The following RFX3 variants were observed in gnomAD, a reference collection of about 807,000 sequenced individuals.
The protein encoded by RFX3 is regulatory factor X3.
In RFX3, 14 loss-of-function variants were observed where a neutral mutation model predicts 98.6. That is an observed-to-expected ratio of 0.14 (90% CI 0.09 to 0.22). RFX3 has a LOEUF of 0.22. RFX3 is among the 10% of genes least tolerant of loss of function. The pLI, the probability that RFX3 is intolerant of heterozygous loss-of-function variation, is 1.00. For missense variants in RFX3, 639 were observed against 926.9 expected (o/e 0.69, Z 4.03); for synonymous variants, 383 against 328.4 (o/e 1.17, Z -1.80).
chr9:3,334,928 T>G (rs1832991300), intron 3 of RFX3, among the ~76,000 whole-genome samples: 1 of 151,958 alleles, frequency 6.6e-6, no homozygotes, highest in African/African-American at 2.4e-5. Flanking sequence ...GAGACCAGCC[T>G]GGCAAACACG....
intron 1 of RFX3, among the ~76,000 whole-genome samples, chr9:3,464,815 T>C (rs1848048742): frequency 6.6e-6 from 1 of 152,194 alleles, no homozygotes; most frequent in South Asian, 2.1e-4. Flanking sequence ...GAAATATATG[T>C]TGAAGACTTT....
intron 4 of RFX3, among the ~76,000 whole-genome samples, chr9:3,327,622 CAAAAA>C (rs35437578): frequency 6.8e-6 from 1 of 147,918 alleles, no homozygotes; most frequent in African/African-American, 2.5e-5. Context: ...AAACGCAAAA[CAAAAA>C]AAAATCACCT....
intron 4 of RFX3, among the ~76,000 whole-genome samples, chr9:3,304,259 T>C (rs1799884358): frequency 6.6e-6 from 1 of 152,006 alleles, no homozygotes. Flanking sequence ...AAAAATTTAT[T>C]GAAGGGAATT....
chr9:3,452,752 T>C (rs1846775672), intron 1 of RFX3, among the ~76,000 whole-genome samples: 1 of 152,220 alleles, frequency 6.6e-6, no homozygotes, highest in African/African-American at 2.4e-5. Flanking sequence ...GCATTAGCTA[T>C]TTAAAAACTT....
At chr9:3,486,479 CA>C (rs1850286311) in intron 1 of RFX3, among the ~76,000 whole-genome samples, 1 of 152,102 alleles carries the variant, frequency 6.6e-6, no homozygotes, top group Non-Finnish European at 1.5e-5. Flanking sequence ...TCCATGGCTC[CA>C]ATCTTTTCTC....
rs530009432 is a variant in RFX3, at chr9:3,516,622, G to C, written c.-9+9125C>G. ...GCTCTTCTTAAAAACCAGTTGAATA[G>C]CTTCAATAATTGGGGAAGAAATGTC... On this transcript the variant is annotated intron_variant, in intron 1 of 16. Coordinates refer to ENST00000617270, the MANE Select transcript of RFX3 (RefSeq NM_001282116.2). Among the ~76,000 whole-genome samples the C allele has an allele frequency of 7.2e-5, 11 of 152,234 alleles. No homozygotes were observed. In the East Asian group the frequency reaches 2.1e-3, roughly 29 times the overall value.
At chr9:3,293,534 A>C (rs1035387740) in intron 5 of RFX3, among the ~76,000 whole-genome samples, 2 of 152,174 alleles carry the variant, frequency 1.3e-5, no homozygotes, top group Non-Finnish European at 2.9e-5. Flanking sequence ...TATTGATTCC[A>C]ATTTTGAAAA....
chr9:3,489,191 C>T (rs1042892785), intron 1 of RFX3, among the ~76,000 whole-genome samples: 2 of 152,052 alleles, frequency 1.3e-5, no homozygotes, highest in African/African-American at 4.8e-5. Context: ...AATGTTTGAT[C>T]ATCCTCAATG....
intron 1 of RFX3, among the ~76,000 whole-genome samples, chr9:3,428,046 T>C (rs1362766681): frequency 6.6e-6 from 1 of 152,154 alleles, no homozygotes; most frequent in Admixed American, 6.6e-5. Flanking sequence ...GGGCTCTTTT[T>C]ATGTATCTGC....
chr9:3,524,884 AAGAG>A (rs1819088462), intron 1 of RFX3, among the ~76,000 whole-genome samples: 1 of 147,550 alleles, frequency 6.8e-6, no homozygotes, highest in Non-Finnish European at 1.5e-5. Context: ...CACACCAAAG[AAGAG>A]AGAGGAGACA....
At chr9:3,407,907 G>C (rs1199197756) in intron 1 of RFX3, among the ~76,000 whole-genome samples, 1 of 152,128 alleles carries the variant, frequency 6.6e-6, no homozygotes, top group Admixed American at 6.5e-5. Context: ...AGATAGGCTT[G>C]TTGGAATTTG....
At chr9:3,470,967 T>C (rs4008946) in intron 1 of RFX3, among the ~76,000 whole-genome samples, 2,438 of 152,334 alleles carry the variant, frequency 0.016, 73 homozygotes, top group African/African-American at 0.056. Flanking sequence ...CTGAAATCTG[T>C]TCAAGATAAT....
At chr9:3,298,435 T>C (rs900857775) in intron 5 of RFX3, among the ~76,000 whole-genome samples, 4 of 151,878 alleles carry the variant, frequency 2.6e-5, no homozygotes, top group African/African-American at 9.7e-5. Flanking sequence ...TCCTAAATAA[T>C]GAAGGTAACA....
At chr9:3,258,097 G>A (rs1822376131) in intron 13 of RFX3, among the ~76,000 whole-genome samples, 1 of 152,088 alleles carries the variant, frequency 6.6e-6, no homozygotes, top group African/African-American at 2.4e-5. Context: ...AGACATAGGT[G>A]TTAGGTCCTG....
chr9:3,393,620 C>G (rs146544508), intron 2 of RFX3, among the ~76,000 whole-genome samples: 1,604 of 147,622 alleles, frequency 0.011, 31 homozygotes, highest in Non-Finnish European at 0.017. Context: ...ATGACAAAAG[C>G]TATCCCTTTC....
chr9:3,422,644 G>T (rs1325242693), intron 1 of RFX3, among the ~76,000 whole-genome samples: 1 of 152,062 alleles, frequency 6.6e-6, no homozygotes, highest in African/African-American at 2.4e-5. Context: ...AATAAGTCAG[G>T]CTTATTATTT....
At chr9:3,495,450 CTG>C (rs1222623236) in intron 1 of RFX3, among the ~76,000 whole-genome samples, 1 of 151,974 alleles carries the variant, frequency 6.6e-6, no homozygotes, top group Non-Finnish European at 1.5e-5. Context: ...TATTTTAACT[CTG>C]AAATTTAACA....
At chr9:3,378,746 G>A (rs1838840502) in intron 2 of RFX3, among the ~76,000 whole-genome samples, 1 of 151,626 alleles carries the variant, frequency 6.6e-6, no homozygotes, top group Non-Finnish European at 1.5e-5. Flanking sequence ...AGTAGAGATG[G>A]GGTTTCATCA....
intron 4 of RFX3, among the ~76,000 whole-genome samples, chr9:3,316,420 T>C (rs909284351): frequency 6.6e-6 from 1 of 152,126 alleles, no homozygotes; most frequent in Non-Finnish European, 1.5e-5. Flanking sequence ...ACGAATATCA[T>C]ACTGAATGGG....
Sources: allele counts gnomAD v4.1 joint callset (sites outside exome capture counted in the v4.1 genomes callset), GRCh38; gene constraint gnomAD v4.1.1; transcripts MANE v1.5; gene names NCBI Gene and HGNC (gene_info 2026-07-23, HGNC 2026-07-21).